Variants in DENND1A observed in about 807,000 individuals in gnomAD.
The protein encoded by DENND1A is DENN domain-containing protein 1A.
Under a neutral mutation model 113.7 loss-of-function variants are expected in DENND1A, and 51 were observed. The observed-to-expected ratio is 0.45, with a 90% CI of 0.36 to 0.57. The LOEUF (loss-of-function observed/expected upper bound fraction) is 0.57. DENND1A is among the 20% of genes least tolerant of loss of function. DENND1A has a pLI of 0.00. For missense variants in DENND1A, 1,258 were observed against 1,395.9 expected (o/e 0.90, Z 1.57); for synonymous variants, 565 against 570.8 (o/e 0.99, Z 0.14).
intron 12 of DENND1A, among the ~76,000 whole-genome samples, chr9:123,561,591 C>T (rs180781497): frequency 8.2e-4 from 125 of 152,296 alleles, no homozygotes; most frequent in Admixed American, 1.4e-3. Flanking sequence ...TAAAGCTGAA[C>T]TTGCCCTCAG....
At chr9:123,893,090 G>C (rs1026208290) in intron 1 of DENND1A, among the ~76,000 whole-genome samples, 1 of 151,228 alleles carries the variant, frequency 6.6e-6, no homozygotes, top group Non-Finnish European at 1.5e-5. Context: ...CCCACTATAC[G>C]TACAGGATTA....
chr9:123,517,065 A>G (rs920497702), intron 13 of DENND1A, among the ~76,000 whole-genome samples: 1 of 151,894 alleles, frequency 6.6e-6, no homozygotes, highest in African/African-American at 2.4e-5. Flanking sequence ...ATCTTTATAT[A>G]TAAGGTGAAA....
intron 2 of DENND1A, among the ~76,000 whole-genome samples, chr9:123,800,760 C>T (rs1834514096): frequency 2.0e-5 from 3 of 152,030 alleles, no homozygotes; most frequent in African/African-American, 7.2e-5. Context: ...CTCTATTCAA[C>T]TAGTAAATAC....
At chr9:123,782,854 A>G (rs934325189) in intron 3 of DENND1A, among the ~76,000 whole-genome samples, 3 of 151,934 alleles carry the variant, frequency 2.0e-5, no homozygotes, top group African/African-American at 7.3e-5. Context: ...ATTTCTACCT[A>G]CCAACCCCCA....
rs145107158 is a variant in DENND1A, at chr9:123,838,366, G to A, written c.88+40585C>T. On this transcript the variant is annotated intron_variant, in intron 2 of 23. Coordinates refer to ENST00000394215, the MANE Select transcript of DENND1A (RefSeq NM_001352964.2). ...TGTCTGTGTATGTGTATATGTGCGTGTATATATATAATATGTATATACATA... is the reference window on the plus strand; with the variant it reads ...TGTCTGTGTATGTGTATATGTGCGTATATATATATAATATGTATATACATA... Among the ~76,000 whole-genome samples the A allele has an allele frequency of 2.9e-3, 438 of 152,124 alleles. 1 individual carries two copies. Among genetic ancestry groups the A allele is most frequent in the Middle Eastern group, 6.9e-3 (2 of 290 alleles).
At chr9:123,733,670 A>AAT (rs2068348968) in intron 5 of DENND1A, among the ~76,000 whole-genome samples, 1 of 135,554 alleles carries the variant, frequency 7.4e-6, no homozygotes, top group Non-Finnish European at 1.6e-5. Flanking sequence ...CTTGTTGGTT[A>AAT]TTTTTTTTTT....
chr9:123,895,437 A>AAGAC (rs1850582692), intron 1 of DENND1A, among the ~76,000 whole-genome samples: 2 of 152,070 alleles, frequency 1.3e-5, no homozygotes, highest in African/African-American at 4.8e-5. Context: ...CCTGGCCAAC[A>AAGAC]TAGTGAAGCC....
At chr9:123,556,068 A>T (rs1380838589) in intron 13 of DENND1A, among the ~76,000 whole-genome samples, 1 of 152,220 alleles carries the variant, frequency 6.6e-6, no homozygotes, top group Non-Finnish European at 1.5e-5. Flanking sequence ...GATCGTGACA[A>T]GTAATCAGAG....
intron 10 of DENND1A, among the ~76,000 whole-genome samples, chr9:123,616,519 A>G (rs1347665543): frequency 6.6e-6 from 1 of 152,250 alleles, no homozygotes; most frequent in Non-Finnish European, 1.5e-5. Context: ...GGCAATTTAT[A>G]TGAATATTTG....
intron 5 of DENND1A, among the ~76,000 whole-genome samples, chr9:123,708,461 T>A (rs963642975): frequency 2.6e-5 from 4 of 152,182 alleles, no homozygotes; most frequent in Admixed American, 6.5e-5. Flanking sequence ...TTGCACAATA[T>A]TTTTGGAAGC....
At chr9:123,761,164 A>G (rs578075639) in intron 4 of DENND1A, among the ~76,000 whole-genome samples, 7 of 152,314 alleles carry the variant, frequency 4.6e-5, no homozygotes, top group African/African-American at 1.4e-4. Flanking sequence ...TAGCTACCCT[A>G]CAGGCTCAGA....
At chr9:123,452,475 C>G in intron 16 of DENND1A, 128 bp from the exon 17 acceptor site, 1 of 750,234 alleles carries the variant, frequency 1.3e-6, no homozygotes, top group South Asian at 1.6e-5. Context: ...GAGAAATAGG[C>G]CTGGATGATA....
intron 21 of DENND1A, among the ~76,000 whole-genome samples, chr9:123,398,984 C>A (rs1297227122): frequency 6.6e-6 from 1 of 151,380 alleles, no homozygotes; most frequent in Non-Finnish European, 1.5e-5. Context: ...TTAGTAGAGA[C>A]GGGGTTTCGC....
At chr9:123,711,491 A>ATATATATATATATGTATATATG (rs1467002245) in intron 5 of DENND1A, among the ~76,000 whole-genome samples, 1 of 91,482 alleles carries the variant, frequency 1.1e-5, no homozygotes, top group Non-Finnish European at 2.0e-5. Flanking sequence ...TAAAAAATAT[A>ATATATATATATATGTATATATG]TATATATATA....
At chr9:123,704,437 G>C (rs2066058963) in intron 5 of DENND1A, among the ~76,000 whole-genome samples, 1 of 152,198 alleles carries the variant, frequency 6.6e-6, no homozygotes, top group African/African-American at 2.4e-5. Flanking sequence ...AATATCTCCA[G>C]TGACACGTCT....
chr9:123,457,971 A>T, intron 13 of DENND1A, 74 bp from the exon 14 acceptor site: 1 of 1,165,710 alleles, frequency 8.6e-7, no homozygotes, highest in Non-Finnish European at 1.2e-6. Context: ...TCCTATTTGC[A>T]GAGTTTCTCC....
At chr9:123,706,643 C>T (rs1157210598) in intron 5 of DENND1A, among the ~76,000 whole-genome samples, 21 of 151,052 alleles carry the variant, frequency 1.4e-4, no homozygotes, top group Non-Finnish European at 2.4e-4. Flanking sequence ...TGGTGGCGGG[C>T]GCCTGTCGTC....
chr9:123,566,069 C>A (rs535459745), intron 12 of DENND1A, among the ~76,000 whole-genome samples: 1 of 152,310 alleles, frequency 6.6e-6, no homozygotes, highest in African/African-American at 2.4e-5. Flanking sequence ...CCACATCACA[C>A]TGACAGTAAG....
chr9:123,473,690 A>G (rs1431305274), intron 13 of DENND1A, among the ~76,000 whole-genome samples: 1 of 152,086 alleles, frequency 6.6e-6, no homozygotes, highest in Non-Finnish European at 1.5e-5. Context: ...TGACCACCAC[A>G]ACTTTCGGCC....
Sources: allele counts gnomAD v4.1 joint callset (sites outside exome capture counted in the v4.1 genomes callset), GRCh38; gene constraint gnomAD v4.1.1; transcripts MANE v1.5; gene names NCBI Gene and HGNC (gene_info 2026-07-23, HGNC 2026-07-21).